Variants in KATNIP observed in about 807,000 individuals in gnomAD.
KATNIP encodes the protein katanin-interacting protein.
In KATNIP, 126 loss-of-function variants were observed where a neutral mutation model predicts 174.0. That is an observed-to-expected ratio of 0.72 (90% CI 0.63 to 0.84). The LOEUF (loss-of-function observed/expected upper bound fraction) is 0.84. Ranked by LOEUF, KATNIP falls within the 40% of genes least tolerant of loss-of-function variation. The pLI is 0.00. For synonymous variants in KATNIP, 810 were observed against 835.7 expected (o/e 0.97, Z 0.53); for missense variants, 1,958 against 2,109.7 (o/e 0.93, Z 1.41).
At chr16:27,771,208 G>A (rs575422822) in intron 21 of KATNIP, among the ~76,000 whole-genome samples, 12 of 152,248 alleles carry the variant, frequency 7.9e-5, no homozygotes, top group African/African-American at 2.6e-4. Context: ...GCAACCTCAC[G>A]TCCCATCCCG....
At chr16:27,645,332 A>G (rs530153306) in intron 5 of KATNIP, among the ~76,000 whole-genome samples, 1 of 152,258 alleles carries the variant, frequency 6.6e-6, no homozygotes, top group South Asian at 2.1e-4. Context: ...GTCTTAACAG[A>G]TTTGGAAACC....
At chr16:27,738,061 G>T (rs2080962990) in intron 14 of KATNIP, among the ~76,000 whole-genome samples, 1 of 152,188 alleles carries the variant, frequency 6.6e-6, no homozygotes, top group African/African-American at 2.4e-5. Context: ...GACAGATCAT[G>T]CGGGGGGCCC....
chr16:27,760,922 A>AC (rs548971472), intron 18 of KATNIP, among the ~76,000 whole-genome samples: 174 of 152,328 alleles, frequency 1.1e-3, no homozygotes, highest in Non-Finnish European at 2.3e-3. Flanking sequence ...TCACAAGTCA[A>AC]CCAGGCCATG....
intron 6 of KATNIP, among the ~76,000 whole-genome samples, chr16:27,668,115 C>G (rs1488788497): frequency 2.0e-5 from 3 of 152,196 alleles, no homozygotes; most frequent in Non-Finnish European, 4.4e-5. Flanking sequence ...AGTGGACAGT[C>G]ACTGTGCCCC....
chr16:27,717,055 G>C (rs1027011335), intron 13 of KATNIP, among the ~76,000 whole-genome samples: 1 of 152,070 alleles, frequency 6.6e-6, no homozygotes, highest in Admixed American at 6.6e-5. Context: ...TGTTGGCCCG[G>C]CTGGTCTCGA....
chr16:27,751,599 C>A, intron 16 of KATNIP, 120 bp from the exon 17 acceptor site: 2 of 853,258 alleles, frequency 2.3e-6, no homozygotes, highest in East Asian at 2.5e-5. Flanking sequence ...TCACACTAAT[C>A]AATACCAGTT....
At chr16:27,640,017 CTT>C (rs1309714854) in intron 5 of KATNIP, among the ~76,000 whole-genome samples, 3 of 152,318 alleles carry the variant, frequency 2.0e-5, no homozygotes. Context: ...CAGCCTTGCT[CTT>C]TTTTTCTACT....
chr16:27,731,398 G>A (rs1198721082), intron 14 of KATNIP, among the ~76,000 whole-genome samples: 2 of 152,194 alleles, frequency 1.3e-5, no homozygotes, highest in South Asian at 4.1e-4. Flanking sequence ...AAGACATGAG[G>A]GTGGCTCCTG....
At chr16:27,558,836 GTC>G (rs1165800305) in intron 1 of KATNIP, among the ~76,000 whole-genome samples, 2 of 152,144 alleles carry the variant, frequency 1.3e-5, no homozygotes, top group Non-Finnish European at 2.9e-5. Flanking sequence ...CTGTGATTGT[GTC>G]TGTTTTATAC....
chr16:27,644,002 T>C (rs2076882719), intron 5 of KATNIP, among the ~76,000 whole-genome samples: 1 of 149,392 alleles, frequency 6.7e-6, no homozygotes, highest in African/African-American at 2.5e-5. Flanking sequence ...CCCTAGTCCA[T>C]CTTCCAGAGA....
At chr16:27,701,926 G>A (rs746311605) in intron 11 of KATNIP, among the ~76,000 whole-genome samples, 8 of 152,112 alleles carry the variant, frequency 5.3e-5, no homozygotes, top group Non-Finnish European at 1.2e-4. Context: ...CTGAGTATCT[G>A]GGATCACAGG....
intron 8 of KATNIP, among the ~76,000 whole-genome samples, chr16:27,694,154 C>T (rs1368082895): frequency 6.6e-6 from 1 of 152,186 alleles, no homozygotes. Context: ...CAGCCCAGTG[C>T]CTGGCTGTCC....
At chr16:27,574,108 T>A in intron 2 of KATNIP, 152 bp downstream of exon 2, 2 of 637,354 alleles carry the variant, frequency 3.1e-6, no homozygotes, top group Non-Finnish European at 5.6e-6. Context: ...GCAACTAGAC[T>A]TACCAACCCA....
At chr16:27,682,244 A>G (rs1310927429) in intron 8 of KATNIP, among the ~76,000 whole-genome samples, 2 of 152,178 alleles carry the variant, frequency 1.3e-5, no homozygotes, top group African/African-American at 4.8e-5. Flanking sequence ...ACATTTATTC[A>G]CTACTTAGGA....
At chr16:27,743,609 T>C (rs769124502) in intron 15 of KATNIP, among the ~76,000 whole-genome samples, 1 of 152,180 alleles carries the variant, frequency 6.6e-6, no homozygotes, top group East Asian at 1.9e-4. Flanking sequence ...AAAAAAGAAC[T>C]GCAGTGACCA....
Position 27,637,567 on chromosome 16 carries a change from G to T in KATNIP, c.408+6405G>T, listed in dbSNP as rs1413923030. The stretch of plus-strand genomic sequence containing the variant: ...GGGCCGCATCGCAGCCAGGGCCTGA[G>T]AGTTACCTGGAGCCAGCCCCGGAAA... On this transcript the variant is annotated intron_variant, in intron 5 of 27. Coordinates refer to ENST00000261588, the MANE Select transcript of KATNIP (RefSeq NM_015202.5). The surrounding 1 kb of genome is among the most constrained non-coding windows in gnomAD (Gnocchi z 4.7). 1.3e-5 allele frequency among the ~76,000 whole-genome samples: 2 copies of T among 152,212 alleles called. No individual in the cohort carries two copies. The highest frequency in any genetic ancestry group is 2.4e-5 in the African/African-American group (1 of 41,452).
intron 11 of KATNIP, among the ~76,000 whole-genome samples, chr16:27,701,920 G>A (rs538211681): frequency 6.6e-5 from 10 of 152,306 alleles, no homozygotes; most frequent in Admixed American, 6.5e-4. Context: ...AGCCTCCTGA[G>A]TATCTGGGAT....
chr16:27,725,151 G>A (rs756219255), intron 14 of KATNIP, among the ~76,000 whole-genome samples: 4 of 152,174 alleles, frequency 2.6e-5, no homozygotes, highest in Non-Finnish European at 5.9e-5. Context: ...GAATGCCGCA[G>A]GTATCAGGCA....
intron 2 of KATNIP, among the ~76,000 whole-genome samples, chr16:27,575,334 C>A (rs2090459298): frequency 6.6e-6 from 1 of 152,096 alleles, no homozygotes; most frequent in Non-Finnish European, 1.5e-5. Context: ...GTGCCTAAAG[C>A]AAGTGGGAAG....
Sources: allele counts gnomAD v4.1 joint callset (sites outside exome capture counted in the v4.1 genomes callset), GRCh38; gene constraint gnomAD v4.1.1; non-coding constraint Gnocchi (gnomAD v3.1); transcripts MANE v1.5; gene names NCBI Gene and HGNC (gene_info 2026-07-23, HGNC 2026-07-21).